SHANK2: variants seen among roughly 807,000 people sequenced by gnomAD.
SHANK2 encodes SH3 and multiple ankyrin repeat domains protein 2.
A neutral mutation model predicts 133.7 loss-of-function variants in SHANK2; 43 were observed. The observed-to-expected ratio is 0.32, with a 90% CI of 0.25 to 0.41. SHANK2 has a LOEUF of 0.41. Among genes scored for constraint, SHANK2 ranks in the 10% least tolerant of loss-of-function variants. The pLI, the probability that SHANK2 is intolerant of heterozygous loss-of-function variation, is 1.00. For missense variants in SHANK2, 1,994 were observed against 2,235.8 expected, an observed-to-expected ratio of 0.89 and a Z score of 2.18; for synonymous variants, 1,017 against 952.8, an observed-to-expected ratio of 1.07 and a Z score of -1.24.
chr11:70,545,841 C>A (rs1392916443), intron 17 of SHANK2, among the ~76,000 whole-genome samples: 1 of 152,240 alleles, frequency 6.6e-6, no homozygotes, highest in East Asian at 1.9e-4. Flanking sequence ...AGATGACCCA[C>A]ACTTCTGCCT....
chr11:70,862,880 G>A (rs1381553021), intron 11 of SHANK2: 2 of 257,446 alleles, frequency 7.8e-6, no homozygotes, highest in African/African-American at 4.5e-5. Flanking sequence ...AAGAATTTGG[G>A]AGGAGGAGAC....
chr11:70,489,302 G>A lies in SHANK2; in HGVS notation c.2572+26C>T, dbSNP rs782532570. Reference sequence around the variant, plus strand: ...TAAACTGGGTTACATTCAGATTACAGATTCCAAACCGTAAGGTTCACTAAC... The same window carrying A: ...TAAACTGGGTTACATTCAGATTACAAATTCCAAACCGTAAGGTTCACTAAC... On this transcript the variant is annotated intron_variant, in intron 24 of 25. Coordinates refer to ENST00000601538, the MANE Select transcript of SHANK2 (RefSeq NM_012309.5). 308 of 1,608,666 alleles carry A rather than the reference G, an allele frequency of 1.9e-4. 2 individuals carry two copies. In the Admixed American group the frequency reaches 5.1e-3, roughly 27 times the overall value.
At chr11:70,675,976 G>A (rs1243272897) in intron 15 of SHANK2, among the ~76,000 whole-genome samples, 4 of 152,174 alleles carry the variant, frequency 2.6e-5, no homozygotes, top group Non-Finnish European at 5.9e-5. Context: ...GGCATCTCCT[G>A]GGCACAGCAG....
In SHANK2 at chr11:71,188,706, GC is replaced by G. The variant is rs1953725355; in HGVS notation, c.-13+35990del. 6.6e-6 allele frequency among the ~76,000 whole-genome samples: 1 copy of G among 152,090 alleles called. No individual in the cohort carries two copies. Among genetic ancestry groups the G allele is most frequent in the South Asian group, 2.1e-4 (1 of 4,826 alleles). ...AGAGTGCCCTGCTCACTCATCTGTC[GC>G]CCACCACACCTCTCCTCATCTGCTG... is the stretch of plus-strand genomic sequence containing the variant. On this transcript the variant is annotated intron_variant, in intron 2 of 25. Coordinates refer to ENST00000601538, the MANE Select transcript of SHANK2 (RefSeq NM_012309.5). This position sits in a 1 kb window ranked among gnomAD's most constrained non-coding sequence, Gnocchi z 4.6.
At chr11:70,779,765 T>C (rs1189987414) in intron 14 of SHANK2, among the ~76,000 whole-genome samples, 1 of 152,190 alleles carries the variant, frequency 6.6e-6, no homozygotes, top group Non-Finnish European at 1.5e-5. Context: ...TCTCTAACTA[T>C]GGCCTGCAGA....
intron 11 of SHANK2, among the ~76,000 whole-genome samples, chr11:70,875,855 CAA>C (rs869042517): frequency 3.6e-4 from 34 of 94,906 alleles, no homozygotes; most frequent in East Asian, 3.2e-4. Flanking sequence ...GACACTGTTT[CAA>C]AAAAAAAAAA....
chr11:70,490,904 G>C (rs1413402245), intron 22 of SHANK2, among the ~76,000 whole-genome samples: 1 of 152,248 alleles, frequency 6.6e-6, no homozygotes, highest in Admixed American at 6.5e-5. Flanking sequence ...GTATTGTGGT[G>C]GTGTGTGGGT....
intron 14 of SHANK2, among the ~76,000 whole-genome samples, chr11:70,707,186 A>G (rs531467779): frequency 6.6e-6 from 1 of 151,952 alleles, no homozygotes; most frequent in Non-Finnish European, 1.5e-5. Context: ...AGCCTGGTCA[A>G]CACGGCAAAA....
At chr11:70,771,001 T>C (rs549965515) in intron 14 of SHANK2, among the ~76,000 whole-genome samples, 2 of 142,052 alleles carry the variant, frequency 1.4e-5, no homozygotes, top group Non-Finnish European at 3.0e-5. Flanking sequence ...CTTGGTTCAC[T>C]GCAACCTCCG....
chr11:71,214,284 G>A (rs929337449), intron 2 of SHANK2, among the ~76,000 whole-genome samples: 3 of 152,128 alleles, frequency 2.0e-5, no homozygotes, highest in African/African-American at 4.8e-5. Flanking sequence ...TTAAAATCCC[G>A]CAGCACAAAT....
At chr11:70,743,625 C>T (rs1350726383) in intron 14 of SHANK2, among the ~76,000 whole-genome samples, 1 of 152,150 alleles carries the variant, frequency 6.6e-6, no homozygotes, top group Non-Finnish European at 1.5e-5. Flanking sequence ...CACACAGCTA[C>T]AGAAAAGCTT....
At position 71,116,357 on chromosome 11, in the gene SHANK2, C is replaced by T. The variant is rs1951978186; in HGVS notation, c.411+2472G>A. Among the ~76,000 whole-genome samples, 12 of 152,352 alleles carry T rather than the reference C, an allele frequency of 7.9e-5. No individual in the cohort carries two copies. In the South Asian group the frequency reaches 2.1e-3, roughly 26 times the overall value. The stretch of plus-strand genomic sequence containing the variant: ...ATGATCCGTTTCTGGCTTCTCTTAA[C>T]TGACGTAACCCAACACGTATACACT... On this transcript the variant is annotated intron_variant, in intron 4 of 25. Transcript: ENST00000601538.
chr11:70,692,324 T>C (rs142120890), intron 15 of SHANK2, among the ~76,000 whole-genome samples: 1 of 152,202 alleles, frequency 6.6e-6, no homozygotes, highest in African/African-American at 2.4e-5. Flanking sequence ...ATATAGCACA[T>C]GCCTCTTAGG....
At chr11:71,199,451 G>A (rs1385434100) in intron 2 of SHANK2, among the ~76,000 whole-genome samples, 3 of 152,234 alleles carry the variant, frequency 2.0e-5, no homozygotes, top group South Asian at 2.1e-4. Flanking sequence ...GCAGCTACAC[G>A]TGACCACTCA....
At chr11:71,096,596 G>T (rs534184195) in intron 6 of SHANK2, among the ~76,000 whole-genome samples, 3 of 152,108 alleles carry the variant, frequency 2.0e-5, no homozygotes, top group Admixed American at 1.3e-4. Context: ...ACTGATCCTC[G>T]AAGGGCACGA....
At chr11:71,109,173 C>T (rs1213141354) in intron 6 of SHANK2, among the ~76,000 whole-genome samples, 1 of 152,240 alleles carries the variant, frequency 6.6e-6, no homozygotes, top group Middle Eastern at 3.4e-3. Context: ...AGGGGGCATA[C>T]TCTGCTTTGC....
rs999955750 is a variant in SHANK2 at position 70,862,088 on chromosome 11, A to G, written c.1174+34413T>C. On this transcript the variant is annotated intron_variant, in intron 11 of 25. Transcript: ENST00000601538. ...GAGCCCAACCTGGATGGACTCCATG[A>G]GGTGACACCTCTCCCCACGATGCGG... 9.9e-5 allele frequency among the ~76,000 whole-genome samples: 15 copies of G among 152,028 alleles called. 1 individual carries two copies. The highest frequency in any genetic ancestry group is 2.2e-4 in the Non-Finnish European group (15 of 68,004).
chr11:70,793,091 G>GA (rs1181122026), intron 14 of SHANK2, among the ~76,000 whole-genome samples: 1 of 152,016 alleles, frequency 6.6e-6, no homozygotes, highest in Non-Finnish European at 1.5e-5. Context: ...TAACGTGGAA[G>GA]AAAAAAAGAA....
chr11:71,160,371 C>A (rs1555109748), intron 2 of SHANK2, among the ~76,000 whole-genome samples: 2 of 152,154 alleles, frequency 1.3e-5, no homozygotes, highest in African/African-American at 4.8e-5. Flanking sequence ...GAGGTAGGAC[C>A]TTTAAGAGGT....
Sources: gnomAD v4.1 joint callset for allele counts (sites outside exome capture counted in the v4.1 genomes callset) on GRCh38, gnomAD v4.1.1 for gene constraint, Gnocchi (gnomAD v3.1) non-coding constraint, MANE v1.5 for transcripts, NCBI Gene and HGNC (gene_info 2026-07-23, HGNC 2026-07-21) for gene names.